Variants in TSHZ3 observed in about 807,000 individuals in gnomAD.
The protein encoded by TSHZ3 is teashirt zinc finger homeobox 3.
TSHZ3 carries 10 observed loss-of-function variants against 64.5 expected under a neutral mutation model. The observed-to-expected ratio is 0.16, with a 90% confidence interval of 0.10 to 0.26. The LOEUF (loss-of-function observed/expected upper bound fraction) is 0.26, where lower values mean the gene tolerates loss of function less well. Ranked by LOEUF, TSHZ3 falls within the 10% of genes least tolerant of loss-of-function variation. TSHZ3 has a pLI of 1.00. For missense variants in TSHZ3, 1,242 were observed against 1,421.7 expected, an observed-to-expected ratio of 0.87 and a Z score of 2.03; for synonymous variants, 608 against 593.1, an observed-to-expected ratio of 1.03 and a Z score of -0.36.
At position 31,232,139 on chromosome 19, in the gene TSHZ3, C is replaced by T. The variant is rs189013551; in HGVS notation, n.551-3999G>A. Among the ~76,000 whole-genome samples, 8 of 152,206 alleles carry T rather than the reference C, an allele frequency of 5.3e-5. No individual in the cohort carries two copies. The East Asian group carries it at 1.2e-3, about 22-fold the overall frequency. The stretch of plus-strand genomic sequence containing the variant: ...CTAGAGCCAGCTAACCCTGGGGGAG[C>T]GTCTGTAAGATGCCACAGCCTTCTC... On this transcript the variant is annotated intron_variant and non_coding_transcript_variant, in intron 3 of 6. Transcript: ENST00000651361.
intron 1 of TSHZ3, among the ~76,000 whole-genome samples, chr19:31,330,771 C>T (rs1293891889): frequency 6.6e-6 from 1 of 152,098 alleles, no homozygotes; most frequent in Non-Finnish European, 1.5e-5. Flanking sequence ...GAAGGCGACC[C>T]CAGACCCCAG....
rs1976359752 is a variant in TSHZ3 at position 31,281,437 on chromosome 19, T to G, written c.41-1685A>C. The stretch of plus-strand genomic sequence containing the variant: ...ATGGGAACTGCCCCAGGTACACACA[T>G]CAGCTGCAGGGAGGGGGATACTTCT... On this transcript the variant is annotated intron_variant, in intron 1 of 1. Coordinates refer to ENST00000240587, the MANE Select transcript of TSHZ3 (RefSeq NM_020856.4). Among the ~76,000 whole-genome samples, 3 of 152,148 alleles carry G rather than the reference T, an allele frequency of 2.0e-5. No individual in the cohort carries two copies. In the South Asian group the frequency reaches 6.2e-4, roughly 32 times the overall value.
intron 1 of TSHZ3, among the ~76,000 whole-genome samples, chr19:31,341,305 C>T (rs756457552): frequency 2.6e-4 from 39 of 152,100 alleles, no homozygotes; most frequent in Non-Finnish European, 3.5e-4. Flanking sequence ...CAGAAGCATC[C>T]CACAAGTATT....
At chr19:31,338,581 C>CTTT (rs34643581) in intron 1 of TSHZ3, among the ~76,000 whole-genome samples, 1 of 119,102 alleles carries the variant, frequency 8.4e-6, no homozygotes, top group East Asian at 2.4e-4. Context: ...TTTTTTTTTT[C>CTTT]TTTTTTTTTT....
intron 1 of TSHZ3, among the ~76,000 whole-genome samples, chr19:31,344,326 C>G (rs556014823): frequency 5.9e-5 from 9 of 152,250 alleles, no homozygotes; most frequent in African/African-American, 2.2e-4. Flanking sequence ...TTTGAAAGAT[C>G]CAACTACCTA....
chr19:31,192,385 GA>G (rs1650812215), intron 5 of TSHZ3, among the ~76,000 whole-genome samples: 2 of 152,098 alleles, frequency 1.3e-5, no homozygotes, highest in South Asian at 4.1e-4. Flanking sequence ...TCCAATGTAT[GA>G]AAACAGATGC....
At chr19:31,344,740 C>T (rs1389315863) in intron 1 of TSHZ3, among the ~76,000 whole-genome samples, 1 of 152,172 alleles carries the variant, frequency 6.6e-6, no homozygotes, top group African/African-American at 2.4e-5. Context: ...TGGAGGGCGG[C>T]GGTAAAGGAA....
At chr19:31,233,881 T>C (rs954049489) in intron 3 of TSHZ3, among the ~76,000 whole-genome samples, 15 of 151,542 alleles carry the variant, frequency 9.9e-5, no homozygotes, top group African/African-American at 3.6e-4. Context: ...GTTTCAGCTA[T>C]GTTAGGTCTC....
rs1322777479 is a variant in TSHZ3 at position 31,349,258 on chromosome 19, C to G, written c.-39G>C. The G allele has an allele frequency of 6.6e-7, 1 of 1,518,488 alleles. No individual in the cohort carries two copies. Among genetic ancestry groups the G allele is most frequent in the South Asian group, 1.2e-5 (1 of 81,498 alleles). The allele number at this position is 1,518,488 out of a possible 1,614,324, so 94.1% of individuals were successfully genotyped here. A position where few individuals can be genotyped will look rare whatever the true frequency, so the allele number is the denominator to read the frequency against. ...CGACTGCCACTGCCGCCGCCGCCGC[C>G]GCTGCCGGGCTGAGGACAGGGAGGG... On this transcript the variant is annotated 5_prime_UTR_variant, in exon 1 of 2. Coordinates refer to ENST00000240587, the MANE Select transcript of TSHZ3 (RefSeq NM_020856.4).
chr19:31,223,046 C>T (rs1385271052), intron 4 of TSHZ3, among the ~76,000 whole-genome samples: 1 of 152,122 alleles, frequency 6.6e-6, no homozygotes, highest in Non-Finnish European at 1.5e-5. Context: ...AGGAGGTTGG[C>T]AGCTAGGATT....
intron 3 of TSHZ3, among the ~76,000 whole-genome samples, chr19:31,238,381 G>A (rs1309483942): frequency 2.6e-5 from 4 of 151,292 alleles, no homozygotes. Context: ...TCTGCCTCCT[G>A]AGTAGCTGGG....
chr19:31,150,231 C>G (rs1304420046), exon 7 of TSHZ3, among the ~76,000 whole-genome samples: 1 of 152,224 alleles, frequency 6.6e-6, no homozygotes, highest in Non-Finnish European at 1.5e-5. Context: ...CTCCTCCATG[C>G]TCTGAAGTCA....
In TSHZ3 at chr19:31,325,772, G is replaced by A. The variant is rs1325831867; in HGVS notation, c.40+23408C>T. ...GTACTGTTTGTCAAAGAAAAGACTA[G>A]AAGCAACCAGAATGTCCATGCAGAG... is the stretch of plus-strand genomic sequence containing the variant. On this transcript the variant is annotated intron_variant, in intron 1 of 1. Transcript: ENST00000240587. Among the ~76,000 whole-genome samples, 3 of 152,292 alleles carry A rather than the reference G, an allele frequency of 2.0e-5. No individual in the cohort carries two copies. In the East Asian group the frequency reaches 5.8e-4, roughly 29 times the overall value.
At chr19:31,330,513 C>A (rs1917051173) in intron 1 of TSHZ3, among the ~76,000 whole-genome samples, 1 of 152,184 alleles carries the variant, frequency 6.6e-6, no homozygotes, top group Admixed American at 6.5e-5. Context: ...CTGGGTCACA[C>A]CCTCGGTCAG....
chr19:31,171,045 G>C (rs982013149), intron 5 of TSHZ3, among the ~76,000 whole-genome samples: 2 of 152,086 alleles, frequency 1.3e-5, no homozygotes, highest in African/African-American at 4.8e-5. Context: ...AGGGAATTTA[G>C]GTATAACAGA....
chr19:31,294,103 G>A (rs1049639464), intron 1 of TSHZ3, among the ~76,000 whole-genome samples: 1 of 152,178 alleles, frequency 6.6e-6, no homozygotes, highest in African/African-American at 2.4e-5. Flanking sequence ...AAAACTTGGA[G>A]AGAAGATGTT....
chr19:31,345,571 A>C (rs1406821971), intron 1 of TSHZ3, among the ~76,000 whole-genome samples: 2 of 152,194 alleles, frequency 1.3e-5, no homozygotes, highest in Non-Finnish European at 2.9e-5. Context: ...AGATGCTTGA[A>C]GATTTACCCT....
At chr19:31,292,729 CCCATCCAT>C (rs71173957) in intron 1 of TSHZ3, among the ~76,000 whole-genome samples, 33,024 of 147,898 alleles carry the variant, frequency 0.22, 6,091 homozygotes, top group African/African-American at 0.51. Context: ...AACCCATCCA[CCCATCCAT>C]CCATCCATCC....
chr19:31,277,060 G>C lies in TSHZ3; in HGVS notation c.2733C>G (p.Ala911=). 1 of 1,608,868 alleles carries C rather than the reference G, an allele frequency of 6.2e-7. No individual in the cohort carries two copies. Among genetic ancestry groups the C allele is most frequent in the African/African-American group, 1.3e-5 (1 of 74,924 alleles). The stretch of plus-strand genomic sequence containing the variant: ...CTTCTGAGGTCTGCCGGAGGCTGGC[G>C]GCAAACTGGGCCTGGAGGATCAGGA... ...QHLLILQAQF[A]ASLRQTSEGK... Residue 911 remains alanine, a synonymous_variant, in exon 2 of 2, where the codon GCC becomes GCG. Transcript: ENST00000240587. This position sits in a 1 kb window ranked among gnomAD's most constrained non-coding sequence, Gnocchi z 4.5.
Sources: allele counts gnomAD v4.1 joint callset (sites outside exome capture counted in the v4.1 genomes callset), GRCh38; gene constraint gnomAD v4.1.1; non-coding constraint Gnocchi (gnomAD v3.1); transcripts MANE v1.5; gene names NCBI Gene and HGNC (gene_info 2026-07-23, HGNC 2026-07-21).